Variants in USP24 observed in about 807,000 individuals in gnomAD.
USP24 encodes ubiquitin specific peptidase 24.
In USP24, 97 loss-of-function variants were observed where a neutral mutation model predicts 361.6. The observed-to-expected ratio is 0.27, with a 90% CI of 0.23 to 0.32. USP24 has a LOEUF of 0.32. Ranked by LOEUF, USP24 falls within the 10% of genes least tolerant of loss-of-function variation. The pLI is 1.00. For synonymous variants in USP24, 1,098 were observed against 1,124.6 expected (o/e 0.98, Z 0.47); for missense variants, 2,353 against 3,165.6 (o/e 0.74, Z 6.16).
At chr1:55,074,153 T>G (rs1359894386) in intron 63 of USP24, among the ~76,000 whole-genome samples, 1 of 149,156 alleles carries the variant, frequency 6.7e-6, no homozygotes, top group Non-Finnish European at 1.5e-5. Flanking sequence ...ACATACATGG[T>G]GCTGCAAGTT....
chr1:55,132,003 T>G (rs1252056256), intron 31 of USP24, among the ~76,000 whole-genome samples: 1 of 152,242 alleles, frequency 6.6e-6, no homozygotes, highest in African/African-American at 2.4e-5. Context: ...CCAGCTTCCA[T>G]ATGTCTTACT....
chr1:55,118,090 T>A lies in USP24; in HGVS notation c.4508+2506A>T, dbSNP rs181132305. 4.0e-3 allele frequency among the ~76,000 whole-genome samples: 604 copies of A among 152,294 alleles called. 1 individual carries two copies. Among genetic ancestry groups the A allele is most frequent in the Non-Finnish European group, 5.5e-3 (373 of 68,020 alleles). On this transcript the variant is annotated intron_variant, in intron 38 of 67. Coordinates refer to ENST00000294383, the MANE Select transcript of USP24 (RefSeq NM_015306.3). The stretch of plus-strand genomic sequence containing the variant: ...ACCTACAGGTTCAATGAAATCTCTA[T>A]GAAAATCCCAAAGACATTTGCAAAA...
intron 66 of USP24, 25 bp downstream of exon 66, chr1:55,072,292 C>A: frequency 6.2e-7 from 1 of 1,604,044 alleles, no homozygotes; most frequent in Non-Finnish European, 8.5e-7. Context: ...ATTTAGACCA[C>A]GCAAAAACAA....
At chr1:55,208,676 G>A (rs147919832) in intron 1 of USP24, among the ~76,000 whole-genome samples, 6 of 149,580 alleles carry the variant, frequency 4.0e-5, no homozygotes, top group Middle Eastern at 3.8e-3. Context: ...GGTGGTTCAC[G>A]GCTGTAATCC....
intron 1 of USP24, among the ~76,000 whole-genome samples, chr1:55,193,173 T>C (rs1644333762): frequency 6.6e-6 from 1 of 152,234 alleles, no homozygotes; most frequent in Non-Finnish European, 1.5e-5. Context: ...AGCATTTATA[T>C]TGTATTAGGT....
At chr1:55,180,595 A>G (rs1643937648) in intron 1 of USP24, among the ~76,000 whole-genome samples, 3 of 152,104 alleles carry the variant, frequency 2.0e-5, no homozygotes, top group Non-Finnish European at 4.4e-5. Context: ...GGGCACAATC[A>G]ATGGTTGCTT....
intron 7 of USP24, among the ~76,000 whole-genome samples, chr1:55,164,670 C>T (rs780059423): frequency 1.6e-4 from 24 of 151,942 alleles, no homozygotes; most frequent in Non-Finnish European, 7.4e-5. Context: ...ATGGTCTGAC[C>T]TTATGGAAAA....
chr1:55,200,046 G>A (rs796390542), intron 1 of USP24, among the ~76,000 whole-genome samples: 6 of 152,292 alleles, frequency 3.9e-5, no homozygotes, highest in African/African-American at 1.4e-4. Context: ...AGAACAATAT[G>A]GGGATAACTG....
At chr1:55,093,163 G>GC (rs1331938708) in intron 52 of USP24, among the ~76,000 whole-genome samples, 1 of 152,116 alleles carries the variant, frequency 6.6e-6, no homozygotes, top group East Asian at 1.9e-4. Context: ...CAGGTAAACT[G>GC]CCATGTGAAG....
intron 38 of USP24, among the ~76,000 whole-genome samples, chr1:55,115,883 TG>T (rs1209754049): frequency 1.3e-5 from 2 of 152,174 alleles, no homozygotes. Context: ...CAGATGAAGC[TG>T]GAAATCATCA....
chr1:55,132,559 G>C lies in USP24; in HGVS notation c.3523C>G (p.Leu1175Val). ...AGGTTTCTTACTTCTAAGTTGTAGA[G>C]CACTCTGAAGGTAGACATTCCCGGG... ...FAPGMSTFRV[L>V]YNLEVLSSKL... The change falls in exon 31 of 68, where the codon CTC (leucine) becomes GTC (valine). Residue 1175 changes from leucine to valine, a missense_variant. Leu to Val is a conservative substitution (Grantham distance 32). Coordinates refer to ENST00000294383, the MANE Select transcript of USP24 (RefSeq NM_015306.3). The C allele has an allele frequency of 6.2e-7, 1 of 1,613,278 alleles. No homozygotes were observed. Among genetic ancestry groups the C allele is most frequent in the Non-Finnish European group, 8.5e-7 (1 of 1,179,466 alleles).
chr1:55,194,392 G>A (rs1014338313), intron 1 of USP24, among the ~76,000 whole-genome samples: 1 of 152,272 alleles, frequency 6.6e-6, no homozygotes, highest in East Asian at 1.9e-4. Context: ...TTCCTACACA[G>A]ATGAGGGATA....
At chr1:55,111,364 T>G (rs1308886833) in intron 38 of USP24, among the ~76,000 whole-genome samples, 4 of 152,132 alleles carry the variant, frequency 2.6e-5, no homozygotes, top group Non-Finnish European at 4.4e-5. Context: ...TCTGCTTCTT[T>G]CGTAAAACTT....
chr1:55,104,063 T>C, intron 41 of USP24, 43 bp from the exon 42 acceptor site: 1 of 1,545,532 alleles, frequency 6.5e-7, no homozygotes, highest in Non-Finnish European at 8.7e-7. Context: ...ATGAATAATC[T>C]ACTTAAATTA....
chr1:55,082,667 T>C (rs1645174546), intron 58 of USP24, among the ~76,000 whole-genome samples: 1 of 152,050 alleles, frequency 6.6e-6, no homozygotes, highest in Non-Finnish European at 1.5e-5. Flanking sequence ...GTGCCTATAG[T>C]CCCAGCTACC....
At position 55,214,996 on chromosome 1, in the gene USP24, G is replaced by A. The variant is rs765562454; in HGVS notation, c.118C>T (p.Leu40=). The part of the protein sequence containing the change: ...AKNDINEAVA[L]LTNERPGLDY... ...AGGCCCGGCCGCTCGTTGGTGAGCA[G>A]TGCCACGGCCTCGTTAATGTCGTTC... The change falls in exon 1 of 68, where the codon CTG becomes TTG. Residue 40 remains leucine, a synonymous_variant. Transcript: ENST00000294383. The A allele has an allele frequency of 4.1e-6, 6 of 1,462,234 alleles. No homozygotes were observed. Among genetic ancestry groups the A allele is most frequent in the Non-Finnish European group, 1.8e-6 (2 of 1,105,662 alleles). 90.6% of individuals were successfully genotyped at this position (1,462,234 alleles called of 1,614,324 possible). A position where few individuals can be genotyped will look rare whatever the true frequency, so the allele number is the denominator to read the frequency against.
In USP24 at chr1:55,125,473, A is replaced by C. The variant is rs752385257; in HGVS notation, c.3807T>G (p.Ser1269=). Residue 1269 remains serine (S), a synonymous_variant, in exon 34 of 68, where the codon TCT becomes TCG. Coordinates refer to ENST00000294383, the MANE Select transcript of USP24 (RefSeq NM_015306.3). ...DLTKDGIEAL[S]SRPFRNVSRQ... ...GGCTGACATTTCGGAATGGGCGGGAAGAAAGTGCTTCTATACCATCTTTGG... is the reference window on the plus strand; with the variant it reads ...GGCTGACATTTCGGAATGGGCGGGACGAAAGTGCTTCTATACCATCTTTGG... The C allele has an allele frequency of 6.4e-5, 104 of 1,613,928 alleles. No homozygotes were observed. Among genetic ancestry groups the C allele is most frequent in the Non-Finnish European group, 8.5e-5 (100 of 1,179,900 alleles).
intron 50 of USP24, among the ~76,000 whole-genome samples, chr1:55,095,691 T>A (rs926625748): frequency 6.6e-6 from 1 of 151,942 alleles, no homozygotes; most frequent in Non-Finnish European, 1.5e-5. Flanking sequence ...CCTAGGGAGG[T>A]CTAAATGTAA....
At chr1:55,082,664 T>C (rs150717222) in intron 58 of USP24, among the ~76,000 whole-genome samples, 14 of 152,232 alleles carry the variant, frequency 9.2e-5, no homozygotes, top group Middle Eastern at 3.4e-3. Context: ...CATGTGCCTA[T>C]AGTCCCAGCT....
Sources: allele counts gnomAD v4.1 joint callset (sites outside exome capture counted in the v4.1 genomes callset), GRCh38; gene constraint gnomAD v4.1.1; transcripts MANE v1.5; gene names NCBI Gene and HGNC (gene_info 2026-07-23, HGNC 2026-07-21).